The following KCNAB1 variants were observed in gnomAD, a reference collection of about 807,000 sequenced individuals.
KCNAB1 encodes the protein voltage-gated potassium channel subunit beta-1.
KCNAB1 carries 35 observed loss-of-function variants against 64.6 expected under a neutral mutation model. The observed-to-expected ratio is 0.54, with a 90% CI of 0.41 to 0.72. The LOEUF is 0.72. KCNAB1 is among the 30% of genes least tolerant of loss of function. The pLI is 0.00. For missense variants in KCNAB1, 401 were observed against 512.9 expected, an observed-to-expected ratio of 0.78 and a Z score of 2.11; for synonymous variants, 177 against 183.8, an observed-to-expected ratio of 0.96 and a Z score of 0.30.
chr3:156,221,128 T>C (rs1576618768), intron 1 of KCNAB1, among the ~76,000 whole-genome samples: 1 of 152,340 alleles, frequency 6.6e-6, no homozygotes, highest in South Asian at 2.1e-4. Context: ...AGCCTTGTAG[T>C]ATAGTTTGAA....
At chr3:156,429,659 A>G (rs1716071512) in intron 2 of KCNAB1, among the ~76,000 whole-genome samples, 1 of 152,226 alleles carries the variant, frequency 6.6e-6, no homozygotes, top group Admixed American at 6.5e-5. Flanking sequence ...CATGGATGGT[A>G]TTATTTTTAT....
At chr3:156,435,160 A>T (rs533757834) in intron 2 of KCNAB1, among the ~76,000 whole-genome samples, 1 of 152,350 alleles carries the variant, frequency 6.6e-6, no homozygotes, top group Non-Finnish European at 1.5e-5. Flanking sequence ...CCCCAGGGAA[A>T]ACGGGCAGGG....
intron 1 of KCNAB1, among the ~76,000 whole-genome samples, chr3:156,224,223 C>A (rs13084227): frequency 0.11 from 17,174 of 152,280 alleles, 1,224 homozygotes; most frequent in Non-Finnish European, 0.16. Context: ...GCTCTGAGTG[C>A]GGGCCCACTG....
intron 1 of KCNAB1, among the ~76,000 whole-genome samples, chr3:156,379,851 G>A (rs1371241804): frequency 6.6e-6 from 1 of 152,146 alleles, no homozygotes; most frequent in African/African-American, 2.4e-5. Context: ...AGAGGTGGTG[G>A]CAGTAGAAGT....
At chr3:156,424,629 T>A (rs1715695481) in intron 2 of KCNAB1, among the ~76,000 whole-genome samples, 1 of 152,214 alleles carries the variant, frequency 6.6e-6, no homozygotes, top group African/African-American at 2.4e-5. Context: ...TTTACAAGCT[T>A]GTGTCTACGG....
At chr3:156,413,401 T>G (rs936405716) in intron 1 of KCNAB1, among the ~76,000 whole-genome samples, 2 of 152,090 alleles carry the variant, frequency 1.3e-5, no homozygotes, top group African/African-American at 4.8e-5. Context: ...GAGCTTGGAG[T>G]CAATCTGTGT....
At chr3:156,410,663 C>T (rs1054000691) in intron 1 of KCNAB1, among the ~76,000 whole-genome samples, 2 of 152,222 alleles carry the variant, frequency 1.3e-5, no homozygotes, top group East Asian at 3.8e-4. Context: ...CTGGTAACTA[C>T]ACACCTGCTT....
chr3:156,441,197 A>G (rs538112981), intron 2 of KCNAB1: 1 of 152,296 alleles, frequency 6.6e-6, no homozygotes, highest in African/African-American at 2.4e-5. Context: ...AGATTCTGAC[A>G]GCTCTATAAG....
At chr3:156,252,637 T>C (rs986204348) in intron 1 of KCNAB1, among the ~76,000 whole-genome samples, 5 of 152,228 alleles carry the variant, frequency 3.3e-5, no homozygotes, top group African/African-American at 1.2e-4. Flanking sequence ...AAGTGACTGA[T>C]GGCTCACTTT....
intron 11 of KCNAB1, among the ~76,000 whole-genome samples, chr3:156,521,165 C>T (rs1404839398): frequency 6.6e-6 from 1 of 152,196 alleles, no homozygotes; most frequent in East Asian, 1.9e-4. Context: ...TGAGTATACC[C>T]AGACTTTGTG....
At chr3:156,320,941 A>C (rs2108025158) in intron 1 of KCNAB1, among the ~76,000 whole-genome samples, 1 of 151,928 alleles carries the variant, frequency 6.6e-6, no homozygotes, top group Non-Finnish European at 1.5e-5. Flanking sequence ...TATTTATTCA[A>C]CCAATAGTCT....
At chr3:156,320,279 G>A (rs1722569767) in intron 1 of KCNAB1, among the ~76,000 whole-genome samples, 1 of 152,170 alleles carries the variant, frequency 6.6e-6, no homozygotes, top group Non-Finnish European at 1.5e-5. Flanking sequence ...CTCAAGGGAA[G>A]TACATTTTCC....
intron 1 of KCNAB1, among the ~76,000 whole-genome samples, chr3:156,337,774 G>T (rs1438655290): frequency 6.6e-6 from 1 of 152,170 alleles, no homozygotes; most frequent in Non-Finnish European, 1.5e-5. Context: ...AAAGAGAACA[G>T]TGATCCATCC....
intron 7 of KCNAB1, 62 bp downstream of exon 7, chr3:156,465,748 A>G: frequency 7.3e-7 from 1 of 1,362,124 alleles, no homozygotes; most frequent in Non-Finnish European, 1.1e-6. Context: ...AAAGGTATCA[A>G]CCAAACAAAT....
chr3:156,358,118 T>G (rs1376668744), intron 1 of KCNAB1, among the ~76,000 whole-genome samples: 1 of 152,232 alleles, frequency 6.6e-6, no homozygotes, highest in Non-Finnish European at 1.5e-5. Context: ...GGCTAGTAGC[T>G]ACCTCATTAG....
chr3:156,129,296 C>T (rs1560099752), intron 1 of KCNAB1, among the ~76,000 whole-genome samples: 1 of 152,148 alleles, frequency 6.6e-6, no homozygotes, highest in Non-Finnish European at 1.5e-5. Flanking sequence ...CTTTCTAGTT[C>T]TGTCTCTATG....
intron 1 of KCNAB1, among the ~76,000 whole-genome samples, chr3:156,147,095 C>T (rs1312055254): frequency 6.6e-6 from 1 of 152,028 alleles, no homozygotes; most frequent in Non-Finnish European, 1.5e-5. Context: ...AACAGAGAGC[C>T]TGGGGTGAGG....
At chr3:156,467,105 A>C (rs944837028) in intron 7 of KCNAB1, among the ~76,000 whole-genome samples, 2 of 152,130 alleles carry the variant, frequency 1.3e-5, no homozygotes, top group African/African-American at 4.8e-5. Context: ...CAGTTGGGTA[A>C]AACCATCTAA....
At chr3:156,298,799 G>A (rs1425256306) in intron 1 of KCNAB1, among the ~76,000 whole-genome samples, 2 of 152,128 alleles carry the variant, frequency 1.3e-5, no homozygotes, top group Non-Finnish European at 2.9e-5. Flanking sequence ...TAGCTATTAG[G>A]CATCATAAGA....
Sources: allele counts gnomAD v4.1 joint callset (sites outside exome capture counted in the v4.1 genomes callset), GRCh38; gene constraint gnomAD v4.1.1; transcripts MANE v1.5; gene names NCBI Gene and HGNC (gene_info 2026-07-23, HGNC 2026-07-21).